Variants in CSMD1 observed in about 807,000 individuals in gnomAD.
The protein encoded by CSMD1 is CUB and Sushi multiple domains 1.
In CSMD1, 213 loss-of-function variants were observed where a neutral mutation model predicts 417.5. That is an observed-to-expected ratio of 0.51 (90% CI 0.46 to 0.57). The LOEUF (loss-of-function observed/expected upper bound fraction) is 0.57. Ranked by LOEUF, CSMD1 falls within the 20% of genes least tolerant of loss-of-function variation. CSMD1 has a pLI of 0.00. For missense variants in CSMD1, 6,923 were observed against 4,529.7 expected, an observed-to-expected ratio of 1.53 and a Z score of -15.17; for synonymous variants, 2,862 against 1,736.8, an observed-to-expected ratio of 1.65 and a Z score of -16.11.
intron 3 of CSMD1, among the ~76,000 whole-genome samples, chr8:4,137,824 A>G (rs2131003582): frequency 6.6e-6 from 1 of 151,668 alleles, no homozygotes; most frequent in African/African-American, 2.4e-5. Context: ...ATTATGTCAG[A>G]AACTCAGTTA....
At chr8:4,345,519 G>C (rs1237305060) in intron 3 of CSMD1, among the ~76,000 whole-genome samples, 3 of 152,004 alleles carry the variant, frequency 2.0e-5, no homozygotes, top group Non-Finnish European at 2.9e-5. Flanking sequence ...AAAGTGAAGA[G>C]ACAACATGCA....
At chr8:4,227,585 G>T (rs1420182152) in intron 3 of CSMD1, among the ~76,000 whole-genome samples, 1 of 152,024 alleles carries the variant, frequency 6.6e-6, no homozygotes, top group East Asian at 1.9e-4. Flanking sequence ...AAGTCCCACA[G>T]CCCCCGACCT....
intron 1 of CSMD1, among the ~76,000 whole-genome samples, chr8:4,909,282 A>G (rs2118568): frequency 0.8 from 121,098 of 152,000 alleles, 48,351 homozygotes; most frequent in Admixed American, 0.83. Flanking sequence ...CCTGTGTTTC[A>G]GGGCTATGAC....
chr8:3,576,801 C>T (rs13272675), intron 9 of CSMD1, among the ~76,000 whole-genome samples: 53,093 of 152,034 alleles, frequency 0.35, 10,475 homozygotes, highest in Middle Eastern at 0.45. Context: ...GATGTGAAAT[C>T]TTAAAGCCCT....
chr8:4,331,002 C>T (rs748831330), intron 3 of CSMD1, among the ~76,000 whole-genome samples: 2 of 152,096 alleles, frequency 1.3e-5, no homozygotes, highest in Non-Finnish European at 2.9e-5. Flanking sequence ...TGTTACTGTG[C>T]CGTAAGTTCT....
intron 4 of CSMD1, among the ~76,000 whole-genome samples, chr8:4,029,374 T>C (rs1033415587): frequency 8.5e-5 from 13 of 152,200 alleles, no homozygotes; most frequent in African/African-American, 1.4e-4. Flanking sequence ...CAGTTCTATA[T>C]GGCTGGGGAA....
At chr8:3,861,092 A>G (rs1368512840) in intron 5 of CSMD1, among the ~76,000 whole-genome samples, 1 of 152,096 alleles carries the variant, frequency 6.6e-6, no homozygotes, top group African/African-American at 2.4e-5. Flanking sequence ...GCCAACTTCT[A>G]GTGAGCTCGA....
intron 26 of CSMD1, among the ~76,000 whole-genome samples, chr8:3,231,267 C>T (rs986723854): frequency 1.3e-5 from 2 of 152,038 alleles, no homozygotes; most frequent in Admixed American, 6.6e-5. Flanking sequence ...GTTAGAATAA[C>T]GAGCTCTTTC....
At chr8:4,623,336 A>G (rs916857812) in intron 2 of CSMD1, among the ~76,000 whole-genome samples, 2 of 152,180 alleles carry the variant, frequency 1.3e-5, no homozygotes, top group African/African-American at 2.4e-5. Context: ...GGCTGAGTAC[A>G]CTAAATATAG....
At chr8:4,703,570 T>C (rs1424488840) in intron 1 of CSMD1, among the ~76,000 whole-genome samples, 2 of 152,172 alleles carry the variant, frequency 1.3e-5, no homozygotes, top group South Asian at 2.1e-4. Flanking sequence ...AGTATAATTA[T>C]GAAAAGTAAT....
intron 5 of CSMD1, among the ~76,000 whole-genome samples, chr8:3,893,574 G>A (rs1410825551): frequency 6.6e-6 from 1 of 151,704 alleles, no homozygotes; most frequent in Non-Finnish European, 1.5e-5. Flanking sequence ...TACTTCCTCT[G>A]CACCTGTCTA....
At chr8:3,909,282 C>T (rs2129138266) in intron 5 of CSMD1, among the ~76,000 whole-genome samples, 1 of 152,172 alleles carries the variant, frequency 6.6e-6, no homozygotes, top group Non-Finnish European at 1.5e-5. Flanking sequence ...AGGCACTTTC[C>T]CTCATTGAAG....
At chr8:4,566,046 G>C (rs1052808842) in intron 2 of CSMD1, among the ~76,000 whole-genome samples, 4 of 151,570 alleles carry the variant, frequency 2.6e-5, no homozygotes, top group Admixed American at 2.0e-4. Flanking sequence ...CTCTTATAAG[G>C]TATTTTGCCT....
intron 5 of CSMD1, among the ~76,000 whole-genome samples, chr8:3,974,811 C>T (rs1696566228): frequency 6.6e-6 from 1 of 152,046 alleles, no homozygotes; most frequent in South Asian, 2.1e-4. Context: ...TTTTATAAAG[C>T]ATCTCCAATG....
rs140038841 is a variant in CSMD1, at chr8:4,027,923, A to T, written c.610+3982T>A. On this transcript the variant is annotated intron_variant, in intron 4 of 69. Coordinates refer to ENST00000635120, the MANE Select transcript of CSMD1 (RefSeq NM_033225.6). ...TTTTCTGAGAGTGAGAATGTAATGG[A>T]AATAATGGTAGAAATAAGGAAGAAG... is the stretch of plus-strand genomic sequence containing the variant. Among the ~76,000 whole-genome samples, 951 of 152,302 alleles carry T rather than the reference A, an allele frequency of 6.2e-3. 8 individuals are homozygous for T. Among genetic ancestry groups the T allele is most frequent in the African/African-American group, 0.022 (908 of 41,554 alleles).
chr8:3,038,693 A>G (rs1347286467), intron 50 of CSMD1, among the ~76,000 whole-genome samples: 2 of 91,364 alleles, frequency 2.2e-5, no homozygotes, highest in Non-Finnish European at 5.7e-5. Flanking sequence ...CTCTTTGCTG[A>G]AAAAAAAATT....
chr8:3,315,655 T>C (rs751870915), intron 23 of CSMD1, among the ~76,000 whole-genome samples: 5 of 147,858 alleles, frequency 3.4e-5, no homozygotes, highest in African/African-American at 7.3e-5. Flanking sequence ...TTTTAAAAAA[T>C]AGCAATAGCA....
intron 23 of CSMD1, among the ~76,000 whole-genome samples, chr8:3,321,674 AT>A (rs1321731175): frequency 2.0e-5 from 3 of 151,776 alleles, no homozygotes; most frequent in African/African-American, 7.2e-5. Flanking sequence ...ACTGGTGCTT[AT>A]TTTAATTCTA....
At chr8:4,392,090 G>A (rs1259395172) in intron 3 of CSMD1, among the ~76,000 whole-genome samples, 1 of 152,188 alleles carries the variant, frequency 6.6e-6, no homozygotes, top group Non-Finnish European at 1.5e-5. Flanking sequence ...CTGCATGAGT[G>A]TCCAAGGAAA....
Sources: gnomAD v4.1 joint callset for allele counts (sites outside exome capture counted in the v4.1 genomes callset) on GRCh38, gnomAD v4.1.1 for gene constraint, MANE v1.5 for transcripts, NCBI Gene and HGNC (gene_info 2026-07-23, HGNC 2026-07-21) for gene names.